The following UPF1 variants were observed in gnomAD, a reference collection of about 807,000 sequenced individuals.
The protein encoded by UPF1 is UPF1 RNA helicase and ATPase, also known as regulator of nonsense transcripts 1.
Under a neutral mutation model 129.2 loss-of-function variants are expected in UPF1, and 9 were observed. That is an observed-to-expected ratio of 0.07 (90% CI 0.04 to 0.12). The LOEUF (loss-of-function observed/expected upper bound fraction) is 0.12. Among genes scored for constraint, UPF1 ranks in the 10% least tolerant of loss-of-function variants. UPF1 has a pLI of 1.00. For synonymous variants in UPF1, 649 were observed against 644.9 expected (o/e 1.01, Z -0.10); for missense variants, 788 against 1,525.3 (o/e 0.52, Z 8.05).
At chr19:18,843,965 C>T (rs2055570436) in intron 1 of UPF1, among the ~76,000 whole-genome samples, 1 of 151,964 alleles carries the variant, frequency 6.6e-6, no homozygotes, top group African/African-American at 2.4e-5. Context: ...CCAGGCTGGT[C>T]TTGAGAACTC....
In UPF1 at chr19:18,832,188, G is replaced by A. The variant is rs866738175; in HGVS notation, c.-22G>A. 1 of 1,527,078 alleles carries A rather than the reference G, an allele frequency of 6.5e-7. No homozygotes were observed. The highest frequency in any genetic ancestry group is 8.8e-7 in the Non-Finnish European group (1 of 1,135,478). 94.6% of individuals were successfully genotyped at this position (1,527,078 alleles called of 1,614,324 possible). On this transcript the variant is annotated 5_prime_UTR_variant, in exon 1 of 24. Transcript: ENST00000262803. This position sits in a 1 kb window ranked among gnomAD's most constrained non-coding sequence, Gnocchi z 5.6. ...CTCGAGTGCAGCGCGGAACCGGCCC[G>A]AGGGCCCTACCCGGAGGCACCATGA... is the stretch of plus-strand genomic sequence containing the variant.
At chr19:18,846,881 C>T (rs949226661) in intron 2 of UPF1, among the ~76,000 whole-genome samples, 1 of 152,210 alleles carries the variant, frequency 6.6e-6, no homozygotes, top group African/African-American at 2.4e-5. Context: ...TCCCAGCTAG[C>T]TACTTGGGAG....
chr19:18,834,639 G>A (rs1476700507), intron 1 of UPF1, among the ~76,000 whole-genome samples: 1 of 152,178 alleles, frequency 6.6e-6, no homozygotes, highest in Non-Finnish European at 1.5e-5. Flanking sequence ...TTTGTTTGTG[G>A]GGAATGGGAG....
intron 5 of UPF1, 64 bp from the exon 6 acceptor site, chr19:18,852,071 G>A (rs562645980): frequency 1.6e-5 from 24 of 1,500,716 alleles, no homozygotes; most frequent in African/African-American, 2.8e-5. Flanking sequence ...GTGCCTCTGC[G>A]CCCTCGTTCA....
chr19:18,860,201 C>G lies in UPF1; in HGVS notation c.2183-120C>G. ...GTGACCTCACCAGGGCCTCACAGAT[C>G]GAAGTCTCCTGCCCCAGGACCTGCA... On this transcript the variant is annotated intron_variant, in intron 15 of 23. Transcript: ENST00000262803. 2.9e-6 allele frequency: 3 copies of G among 1,046,222 alleles called. 1 individual carries two copies. The highest frequency in any genetic ancestry group is 4.3e-6 in the Non-Finnish European group (3 of 695,850). 64.8% of individuals were successfully genotyped at this position (1,046,222 alleles called of 1,614,324 possible). A position where few individuals can be genotyped will look rare whatever the true frequency, so the allele number is the denominator to read the frequency against.
intron 1 of UPF1, among the ~76,000 whole-genome samples, chr19:18,833,500 T>C (rs2055450851): frequency 6.6e-6 from 1 of 151,852 alleles, no homozygotes; most frequent in Non-Finnish European, 1.5e-5. Context: ...GGGGCTTGGG[T>C]TGGGAGAAGT....
chr19:18,857,143 C>T, intron 14 of UPF1, 123 bp downstream of exon 14: 1 of 1,514,544 alleles, frequency 6.6e-7, no homozygotes, highest in Admixed American at 2.0e-5. Flanking sequence ...TGGGGGCTCC[C>T]TGAGGGGTTT....
At position 18,852,191 on chromosome 19, in the gene UPF1, G is replaced by A. The variant is rs376877267; in HGVS notation, c.867G>A (p.Pro289=). 11 of 1,613,246 alleles carry A rather than the reference G, an allele frequency of 6.8e-6. No homozygotes were observed. The South Asian group carries it at 7.7e-5, about 11-fold the overall frequency. ...AGAAGCCGGGGGTGGACGAGGAGCC[G>A]CAGCATGTCCTCCTGCGGTACGAGG... ...DLEKPGVDEE[P]QHVLLRYEDA... is the part of the protein sequence containing the mutation. Residue 289 remains proline (P), a synonymous_variant, in exon 6 of 24, where the codon CCG becomes CCA. Transcript: ENST00000262803.
At position 18,865,540 on chromosome 19, in the gene UPF1, C is replaced by A. The variant is rs778045710; in HGVS notation, c.3020-21C>A. The A allele has an allele frequency of 1.9e-6, 3 of 1,613,856 alleles. No homozygotes were observed. The highest frequency in any genetic ancestry group is 1.3e-5 in the African/African-American group (1 of 75,062). ...CGAGGCCCTGGCCTCCTTCGGATCA[C>A]CCTGGACTGCTGTCTTTCAGGGCGA... On this transcript the variant is annotated intron_variant, in intron 21 of 23. Coordinates refer to ENST00000262803, the MANE Select transcript of UPF1 (RefSeq NM_002911.4). The surrounding 1 kb of genome is among the most constrained non-coding windows in gnomAD (Gnocchi z 6.1).
At chr19:18,849,582 C>T (rs528217099) in intron 3 of UPF1, 12 of 164,498 alleles carry the variant, frequency 7.3e-5, no homozygotes, top group African/African-American at 2.4e-4. Context: ...GGTTTCCAGT[C>T]GCCTGCTTAT....
At chr19:18,841,206 T>C (rs2055537612) in intron 1 of UPF1, among the ~76,000 whole-genome samples, 1 of 152,278 alleles carries the variant, frequency 6.6e-6, no homozygotes. Flanking sequence ...TCCGTCTCCC[T>C]GATGAGACAG....
chr19:18,839,398 T>C (rs907499503), intron 1 of UPF1, among the ~76,000 whole-genome samples: 2 of 152,168 alleles, frequency 1.3e-5, no homozygotes, highest in East Asian at 3.9e-4. Context: ...CTGGCCCCTT[T>C]AAGTATAGAA....
chr19:18,840,158 G>A (rs1038862767), intron 1 of UPF1, among the ~76,000 whole-genome samples: 6 of 152,132 alleles, frequency 3.9e-5, no homozygotes, highest in Non-Finnish European at 5.9e-5. Flanking sequence ...GGCCCAGGTT[G>A]GACCCCGAAT....
intron 6 of UPF1, 118 bp downstream of exon 6, chr19:18,852,414 C>T (rs533905727): frequency 5.6e-6 from 8 of 1,441,174 alleles, no homozygotes; most frequent in South Asian, 2.6e-5. Flanking sequence ...GCTGCAGCCG[C>T]GACACCTGAG....
In UPF1 at chr19:18,865,540, C is replaced by G. The variant is rs778045710; in HGVS notation, c.3020-21C>G. The G allele has an allele frequency of 1.2e-6, 2 of 1,613,856 alleles. No homozygotes were observed. Among genetic ancestry groups the G allele is most frequent in the Admixed American group, 1.7e-5 (1 of 60,026 alleles). On this transcript the variant is annotated intron_variant, in intron 21 of 23. Transcript: ENST00000262803. The surrounding 1 kb of genome is among the most constrained non-coding windows in gnomAD (Gnocchi z 6.1). ...CGAGGCCCTGGCCTCCTTCGGATCA[C>G]CCTGGACTGCTGTCTTTCAGGGCGA...
In UPF1 at chr19:18,832,584, C is replaced by T. The variant is rs2055439936; in HGVS notation, c.231+144C>T. 2.1e-5 allele frequency: 12 copies of T among 571,656 alleles called. No homozygotes were observed. The South Asian group carries it at 8.3e-4, about 39-fold the overall frequency. 35.4% of individuals were successfully genotyped at this position (571,656 alleles called of 1,614,324 possible). A position where few individuals can be genotyped will look rare whatever the true frequency, so the allele number is the denominator to read the frequency against. The stretch of plus-strand genomic sequence containing the variant: ...GGGGCGATCTGCCCCGGGTCCCCTA[C>T]TCTGGCTCGGCCTGAGCTTACCTGC... On this transcript the variant is annotated intron_variant, in intron 1 of 23. Transcript: ENST00000262803. The surrounding 1 kb of genome is among the most constrained non-coding windows in gnomAD (Gnocchi z 5.6).
chr19:18,832,865 T>C lies in UPF1; in HGVS notation c.231+425T>C, dbSNP rs2055443398. Among the ~76,000 whole-genome samples the C allele has an allele frequency of 6.6e-6, 1 of 152,084 alleles. No homozygotes were observed. The highest frequency in any genetic ancestry group is 1.5e-5 in the Non-Finnish European group (1 of 68,000). ...GCCTGGAGTAACCTGCCCCCTGACT[T>C]ATCTGAGTTCTTCCATTCCATCCGG... On this transcript the variant is annotated intron_variant, in intron 1 of 23. Coordinates refer to ENST00000262803, the MANE Select transcript of UPF1 (RefSeq NM_002911.4). This position sits in a 1 kb window ranked among gnomAD's most constrained non-coding sequence, Gnocchi z 5.6.
At chr19:18,842,819 G>C (rs906917690) in intron 1 of UPF1, among the ~76,000 whole-genome samples, 9 of 152,088 alleles carry the variant, frequency 5.9e-5, no homozygotes, top group African/African-American at 2.2e-4. Flanking sequence ...GACCAACATG[G>C]AGAAACCCTG....
At chr19:18,837,180 C>T (rs536788712) in intron 1 of UPF1, among the ~76,000 whole-genome samples, 3 of 152,196 alleles carry the variant, frequency 2.0e-5, no homozygotes, top group South Asian at 2.1e-4. Context: ...GCCTCGACCT[C>T]CTGGGCTCAA....
Sources: gnomAD v4.1 joint callset for allele counts (sites outside exome capture counted in the v4.1 genomes callset) on GRCh38, gnomAD v4.1.1 for gene constraint, Gnocchi (gnomAD v3.1) non-coding constraint, MANE v1.5 for transcripts, NCBI Gene and HGNC (gene_info 2026-07-23, HGNC 2026-07-21) for gene names.